Variants in DGKG observed in about 807,000 individuals in gnomAD.
DGKG encodes the protein DAG kinase gamma.
In DGKG, 78 loss-of-function variants were observed where a neutral mutation model predicts 105.3. The ratio of observed to expected loss-of-function variants is 0.74; its 90% CI spans 0.62 to 0.89. The LOEUF (loss-of-function observed/expected upper bound fraction) is 0.89, where lower values mean the gene tolerates loss of function less well. Ranked by LOEUF, DGKG falls within the 40% of genes least tolerant of loss-of-function variation. DGKG has a pLI of 0.00. For missense variants in DGKG, 958 were observed against 1,020.1 expected, an observed-to-expected ratio of 0.94 and a Z score of 0.83; for synonymous variants, 346 against 367.1, an observed-to-expected ratio of 0.94 and a Z score of 0.66.
At chr3:186,309,632 A>T (rs1291067750) in intron 2 of DGKG, among the ~76,000 whole-genome samples, 3 of 152,244 alleles carry the variant, frequency 2.0e-5, no homozygotes, top group Non-Finnish European at 4.4e-5. Flanking sequence ...AATAAAAAAA[A>T]TAAAAATCTG....
rs1715613870 is a variant in DGKG, at chr3:186,148,774, C to T, written c.*1316G>A. 2.0e-6 allele frequency: 2 copies of T among 985,384 alleles called. No individual in the cohort carries two copies. The highest frequency in any genetic ancestry group is 6.2e-5 in the Admixed American group (1 of 16,240). The allele number at this position is 985,384 out of a possible 1,614,324, so 61.0% of individuals were successfully genotyped here. On this transcript the variant is annotated 3_prime_UTR_variant, in exon 25 of 25. Coordinates refer to ENST00000265022, the MANE Select transcript of DGKG (RefSeq NM_001346.3). Reference sequence around the variant, plus strand: ...GATCCAGAATAGGAGTTCTCGGTCTCTTCGTTCATAATAGGGAGCTACTTT... The same window carrying T: ...GATCCAGAATAGGAGTTCTCGGTCTTTTCGTTCATAATAGGGAGCTACTTT...
At chr3:186,245,520 G>A (rs1453701626) in intron 19 of DGKG, among the ~76,000 whole-genome samples, 2 of 152,168 alleles carry the variant, frequency 1.3e-5, no homozygotes, top group Non-Finnish European at 2.9e-5. Context: ...ACCCTTTCTT[G>A]GTTATTAAGG....
intron 14 of DGKG, among the ~76,000 whole-genome samples, chr3:186,262,658 C>T (rs1257149383): frequency 6.6e-6 from 1 of 152,216 alleles, no homozygotes; most frequent in African/African-American, 2.4e-5. Flanking sequence ...TAGCCCTATT[C>T]TACTGTTATC....
At chr3:186,258,864 AG>A (rs1009279480) in intron 16 of DGKG, among the ~76,000 whole-genome samples, 1 of 152,078 alleles carries the variant, frequency 6.6e-6, no homozygotes, top group African/African-American at 2.4e-5. Context: ...ATATTCCAAG[AG>A]GGGGTTTCTA....
At chr3:186,204,141 G>A (rs982287723) in intron 21 of DGKG, among the ~76,000 whole-genome samples, 3 of 152,198 alleles carry the variant, frequency 2.0e-5, no homozygotes, top group African/African-American at 7.2e-5. Flanking sequence ...AGGTGTGGTG[G>A]CTGATGCCTG....
chr3:186,258,946 C>T (rs1312142216), intron 16 of DGKG, among the ~76,000 whole-genome samples: 1 of 152,162 alleles, frequency 6.6e-6, no homozygotes, highest in Non-Finnish European at 1.5e-5. Flanking sequence ...AATGAATGTG[C>T]CCTGCGGACA....
chr3:186,215,699 G>A (rs1175823514), intron 20 of DGKG, among the ~76,000 whole-genome samples: 1 of 151,982 alleles, frequency 6.6e-6, no homozygotes, highest in Non-Finnish European at 1.5e-5. Context: ...TAAAATTTAG[G>A]AGTTATTTTA....
intron 1 of DGKG, among the ~76,000 whole-genome samples, chr3:186,357,602 T>C (rs1727033834): frequency 6.6e-6 from 1 of 152,206 alleles, no homozygotes; most frequent in African/African-American, 2.4e-5. Context: ...GGTGAAGCTA[T>C]GCGTGCACAG....
intron 22 of DGKG, among the ~76,000 whole-genome samples, chr3:186,182,295 T>A (rs1387018045): frequency 1.3e-5 from 2 of 152,222 alleles, no homozygotes; most frequent in Non-Finnish European, 2.9e-5. Flanking sequence ...TCTTATATTA[T>A]AAATACCTTC....
At chr3:186,327,169 A>G (rs548279785) in intron 1 of DGKG, among the ~76,000 whole-genome samples, 20 of 152,280 alleles carry the variant, frequency 1.3e-4, no homozygotes, top group African/African-American at 4.8e-5. Flanking sequence ...GTCTCAAAAC[A>G]AAAACAAAAA....
intron 5 of DGKG, among the ~76,000 whole-genome samples, chr3:186,293,624 T>C (rs1310988049): frequency 6.6e-6 from 1 of 152,230 alleles, no homozygotes; most frequent in Non-Finnish European, 1.5e-5. Flanking sequence ...AAAGCCCTGC[T>C]CTTCTGTCTT....
chr3:186,330,248 T>C (rs748681573), intron 1 of DGKG, among the ~76,000 whole-genome samples: 10 of 152,170 alleles, frequency 6.6e-5, no homozygotes, highest in Non-Finnish European at 4.4e-5. Flanking sequence ...ATCAGGGTTA[T>C]AAAGTTATAA....
chr3:186,316,672 A>G (rs1273226193), intron 2 of DGKG, among the ~76,000 whole-genome samples: 1 of 152,208 alleles, frequency 6.6e-6, no homozygotes, highest in Non-Finnish European at 1.5e-5. Context: ...CAGTTTTAAG[A>G]TGCCCCACCC....
chr3:186,153,437 T>G (rs1016315865), intron 24 of DGKG, among the ~76,000 whole-genome samples: 6 of 152,156 alleles, frequency 3.9e-5, no homozygotes, highest in South Asian at 4.1e-4. Flanking sequence ...TCTCCATGAT[T>G]TTCTTAAAAA....
chr3:186,291,950 T>C (rs1474954230), intron 5 of DGKG, among the ~76,000 whole-genome samples: 1 of 152,184 alleles, frequency 6.6e-6, no homozygotes, highest in Non-Finnish European at 1.5e-5. Flanking sequence ...TGAAGTCTAC[T>C]GCTCACTCCT....
intron 3 of DGKG, among the ~76,000 whole-genome samples, chr3:186,300,747 A>C (rs1294889620): frequency 2.0e-5 from 3 of 152,264 alleles, no homozygotes; most frequent in Non-Finnish European, 4.4e-5. Context: ...TAAATGATCT[A>C]ATAAAAAGAA....
intron 6 of DGKG, among the ~76,000 whole-genome samples, chr3:186,288,263 G>A (rs1421258074): frequency 2.6e-5 from 4 of 152,224 alleles, no homozygotes; most frequent in African/African-American, 9.6e-5. Flanking sequence ...AGGTTGATGA[G>A]ATCTCAAGAA....
Position 186,298,303 on chromosome 3 carries a change from T to C in DGKG, c.145-74A>G. 2.8e-6 allele frequency: 4 copies of C among 1,412,400 alleles called. No homozygotes were observed. In the South Asian group the frequency reaches 4.4e-5, roughly 15 times the overall value. The allele number at this position is 1,412,400 out of a possible 1,614,324, so 87.5% of individuals were successfully genotyped here. On this transcript the variant is annotated intron_variant, in intron 3 of 24. Coordinates refer to ENST00000265022, the MANE Select transcript of DGKG (RefSeq NM_001346.3). The stretch of plus-strand genomic sequence containing the variant: ...GAGAGGAAGAGAGAAGGAAAAGGAA[T>C]AGAAAAGCTGGCAGGTGAAAGGAAT...
chr3:186,275,484 C>T, intron 10 of DGKG, 63 bp downstream of exon 10: 1 of 1,385,614 alleles, frequency 7.2e-7, no homozygotes, highest in Non-Finnish European at 1.0e-6. Context: ...TGCAATGGAT[C>T]AACCAACCAT....
Sources: gnomAD v4.1 joint callset for allele counts (sites outside exome capture counted in the v4.1 genomes callset) on GRCh38, gnomAD v4.1.1 for gene constraint, MANE v1.5 for transcripts, NCBI Gene and HGNC (gene_info 2026-07-23, HGNC 2026-07-21) for gene names.